The following KLHL2 variants were observed in gnomAD, a reference collection of about 807,000 sequenced individuals.
KLHL2 encodes the protein kelch-like protein 2.
In KLHL2, 15 loss-of-function variants were observed where a neutral mutation model predicts 75.8. The observed-to-expected ratio is 0.20, with a 90% CI of 0.13 to 0.30. KLHL2 has a LOEUF of 0.30. KLHL2 is among the 10% of genes least tolerant of loss of function. KLHL2 has a pLI of 1.00. For synonymous variants in KLHL2, 214 were observed against 251.9 expected (o/e 0.85, Z 1.42); for missense variants, 381 against 741.0 (o/e 0.51, Z 5.64).
chr4:165,267,919 T>C (rs911258882), intron 5 of KLHL2, among the ~76,000 whole-genome samples: 50 of 152,300 alleles, frequency 3.3e-4, no homozygotes, highest in African/African-American at 1.1e-3. Context: ...TGTTAGAATT[T>C]GGCTGTGAAT....
At chr4:165,264,721 C>CATATATATACAT (rs1742052079) in intron 5 of KLHL2, among the ~76,000 whole-genome samples, 3 of 71,198 alleles carry the variant, frequency 4.2e-5, no homozygotes, top group African/African-American at 1.5e-4. Flanking sequence ...TATATATATA[C>CATATATATACAT]ATATATATAT....
chr4:165,310,866 T>G (rs1746113493), intron 10 of KLHL2, 116 bp downstream of exon 10: 6 of 846,406 alleles, frequency 7.1e-6, no homozygotes, highest in East Asian at 2.5e-5. Context: ...TTTTTTTTTT[T>G]TTTTTTGAGA....
intron 2 of KLHL2, among the ~76,000 whole-genome samples, chr4:165,222,711 A>G (rs537754718): frequency 1.3e-5 from 2 of 152,352 alleles, no homozygotes; most frequent in African/African-American, 2.4e-5. Flanking sequence ...AAAGAGGCCT[A>G]TTCCTTATAC....
rs571568323 is a variant in KLHL2 at position 165,259,904 on chromosome 4, T to C, written c.382-3293T>C. Among the ~76,000 whole-genome samples the C allele has an allele frequency of 9.9e-5, 15 of 151,994 alleles. No homozygotes were observed. In the South Asian group the frequency reaches 1.2e-3, roughly 13 times the overall value. On this transcript the variant is annotated intron_variant, in intron 4 of 14. Coordinates refer to ENST00000226725, the MANE Select transcript of KLHL2 (RefSeq NM_007246.4). Reference sequence around the variant, plus strand: ...GGGTGTGGTTTCTTCATCACACAAATTAGAAGGTTTGATTTGATTTGATCT... The same window carrying C: ...GGGTGTGGTTTCTTCATCACACAAACTAGAAGGTTTGATTTGATTTGATCT...
At chr4:165,229,831 GT>G in intron 3 of KLHL2, among the ~76,000 whole-genome samples, 1 of 152,390 alleles carries the variant, frequency 6.6e-6, no homozygotes, top group South Asian at 2.1e-4. Context: ...GGATTGAGGG[GT>G]TTACACAGAT....
At chr4:165,298,216 A>G (rs1745067104) in intron 7 of KLHL2, among the ~76,000 whole-genome samples, 1 of 152,316 alleles carries the variant, frequency 6.6e-6, no homozygotes. Flanking sequence ...ATTTGTGGTC[A>G]CTTAAATACA....
At chr4:165,285,001 A>G (rs1271732638) in intron 5 of KLHL2, among the ~76,000 whole-genome samples, 1 of 152,162 alleles carries the variant, frequency 6.6e-6, no homozygotes, top group African/African-American at 2.4e-5. Context: ...TGCCCACATA[A>G]TTCAATCATC....
At chr4:165,286,483 T>C (rs1367926024) in intron 5 of KLHL2, among the ~76,000 whole-genome samples, 4 of 151,996 alleles carry the variant, frequency 2.6e-5, no homozygotes, top group Non-Finnish European at 5.9e-5. Context: ...GGCAGGACCA[T>C]AGTAATACCT....
At chr4:165,209,184 A>T (rs1737038609) in intron 1 of KLHL2, among the ~76,000 whole-genome samples, 1 of 152,122 alleles carries the variant, frequency 6.6e-6, no homozygotes, top group Non-Finnish European at 1.5e-5. Context: ...AGATTTGGTC[A>T]TGTTCTTCAG....
chr4:165,215,962 G>T lies in KLHL2; in HGVS notation c.27-3972G>T, dbSNP rs192438039. On this transcript the variant is annotated intron_variant, in intron 1 of 14. Coordinates refer to ENST00000226725, the MANE Select transcript of KLHL2 (RefSeq NM_007246.4). ...TTCATGTGAGAAGGGGTGGTTATTTGTGGCTTGAAAAAATTGCTTGGGTGA... is the reference window on the plus strand; with the variant it reads ...TTCATGTGAGAAGGGGTGGTTATTTTTGGCTTGAAAAAATTGCTTGGGTGA... 6.9e-3 allele frequency among the ~76,000 whole-genome samples: 1,046 copies of T among 152,134 alleles called. 16 individuals carry two copies. The highest frequency in any genetic ancestry group is 0.024 in the African/African-American group (990 of 41,494).
chr4:165,212,224 AT>A (rs1737239971), intron 1 of KLHL2, among the ~76,000 whole-genome samples: 1 of 152,178 alleles, frequency 6.6e-6, no homozygotes, highest in Admixed American at 6.5e-5. Context: ...GCAAACAAAT[AT>A]GTAATATTGT....
intron 1 of KLHL2, chr4:165,208,466 A>G (rs1338834773): frequency 6.6e-6 from 1 of 152,164 alleles, no homozygotes; most frequent in Non-Finnish European, 1.5e-5. Context: ...TTTATCCAGA[A>G]ATCAGCATCT....
At chr4:165,225,949 G>A (rs1358761674) in intron 2 of KLHL2, among the ~76,000 whole-genome samples, 1 of 152,196 alleles carries the variant, frequency 6.6e-6, no homozygotes, top group Non-Finnish European at 1.5e-5. Flanking sequence ...GTAAGGCCAA[G>A]TTAATTATGT....
Position 165,313,321 on chromosome 4 carries a change from GA to G in KLHL2, c.1424del (p.Glu475GlyfsTer5). The G allele has an allele frequency of 1.9e-6, 3 of 1,586,228 alleles. No individual in the cohort carries two copies. The highest frequency in any genetic ancestry group is 2.6e-6 in the Non-Finnish European group (3 of 1,169,518). Reference sequence around the variant, plus strand: ...AGAATGCTATAATGCTACAACAAATGAGTGGACCTATATAGCAGAAATGAGC... The same window carrying G: ...AGAATGCTATAATGCTACAACAAATGGTGGACCTATATAGCAGAAATGAGC... Reference protein sequence around the residue: ...TVECYNATTNEWTYIAEMSTR... With the variant: ...TVECYNATTNXWTYIAEMSTR... On this transcript the variant is annotated frameshift_variant, in exon 12 of 15. Transcript: ENST00000226725. LOFTEE classifies it high-confidence loss of function.
At chr4:165,277,685 T>G in intron 5 of KLHL2, 1 of 518,372 alleles carries the variant, frequency 1.9e-6, no homozygotes, top group Non-Finnish European at 3.5e-6. Context: ...GAGCAGGATG[T>G]TATGGCAATG....
intron 6 of KLHL2, among the ~76,000 whole-genome samples, chr4:165,296,195 C>T (rs1347922215): frequency 6.6e-6 from 1 of 152,192 alleles, no homozygotes; most frequent in African/African-American, 2.4e-5. Context: ...AGTTCTTCTG[C>T]ACATGGCATC....
chr4:165,314,296 T>C, intron 13 of KLHL2, 130 bp downstream of exon 13: 2 of 815,336 alleles, frequency 2.5e-6, no homozygotes, highest in Non-Finnish European at 3.7e-6. Context: ...TGATAGACTC[T>C]GAACTCTTTA....
chr4:165,238,705 C>T, intron 3 of KLHL2, 73 bp from the exon 4 acceptor site: 1 of 1,594,576 alleles, frequency 6.3e-7, no homozygotes, highest in Non-Finnish European at 8.5e-7. Flanking sequence ...GAAGATGTAT[C>T]AATCTACATT....
intron 4 of KLHL2, among the ~76,000 whole-genome samples, chr4:165,239,576 T>C (rs2111106168): frequency 6.6e-6 from 1 of 152,322 alleles, no homozygotes; most frequent in East Asian, 1.9e-4. Flanking sequence ...CTATTCTTTG[T>C]TTTACTATTT....
Sources: gnomAD v4.1 joint callset for allele counts (sites outside exome capture counted in the v4.1 genomes callset) on GRCh38, gnomAD v4.1.1 for gene constraint, MANE v1.5 for transcripts, NCBI Gene and HGNC (gene_info 2026-07-23, HGNC 2026-07-21) for gene names.